NWD1: variants seen among roughly 807,000 people sequenced by gnomAD.
NWD1 encodes NACHT and WD repeat domain containing 1.
NWD1 carries 129 observed loss-of-function variants against 135.1 expected under a neutral mutation model. That is an observed-to-expected ratio of 0.96 (90% CI 0.83 to 1.11). The LOEUF is 1.11. Ranked by LOEUF, NWD1 falls within the 50% of genes least tolerant of loss-of-function variation. NWD1 has a pLI of 0.00. For missense variants in NWD1, 1,740 were observed against 1,851.3 expected (o/e 0.94, Z 1.10); for synonymous variants, 773 against 786.0 (o/e 0.98, Z 0.28).
At chr19:16,788,283 T>TAATAAA (rs1970124719) in intron 12 of NWD1, among the ~76,000 whole-genome samples, 1 of 117,788 alleles carries the variant, frequency 8.5e-6, no homozygotes, top group Non-Finnish European at 1.8e-5. Flanking sequence ...ATAATAATAA[T>TAATAAA]AAAAGGCCAG....
chr19:16,730,350 A>G (rs1417659351), intron 2 of NWD1, among the ~76,000 whole-genome samples: 3 of 151,928 alleles, frequency 2.0e-5, no homozygotes, highest in Admixed American at 6.6e-5. Flanking sequence ...AAACAAAAAA[A>G]AAACCCAAAA....
intron 11 of NWD1, among the ~76,000 whole-genome samples, chr19:16,778,994 G>T (rs984024098): frequency 6.6e-6 from 1 of 152,190 alleles, no homozygotes; most frequent in African/African-American, 2.4e-5. Flanking sequence ...CCAGATGGCA[G>T]TACTGTCCTT....
intron 12 of NWD1, among the ~76,000 whole-genome samples, chr19:16,786,486 C>A (rs1970044744): frequency 6.6e-6 from 1 of 152,064 alleles, no homozygotes; most frequent in Non-Finnish European, 1.5e-5. Context: ...TAGCCCTTGA[C>A]CCTCTTCCTC....
chr19:16,803,522 T>C (rs1970663420), intron 17 of NWD1, among the ~76,000 whole-genome samples: 1 of 152,150 alleles, frequency 6.6e-6, no homozygotes, highest in African/African-American at 2.4e-5. Context: ...CCCAAGCTCC[T>C]GATACCATTC....
At chr19:16,782,994 TTCTC>T (rs768828706) in intron 12 of NWD1, among the ~76,000 whole-genome samples, 1 of 142,544 alleles carries the variant, frequency 7.0e-6, no homozygotes, top group African/African-American at 2.7e-5. Context: ...CCTCCCTCCT[TTCTC>T]TCTCTCTTTC....
intron 15 of NWD1, among the ~76,000 whole-genome samples, chr19:16,796,032 G>A (rs991159104): frequency 2.0e-5 from 3 of 152,172 alleles, no homozygotes; most frequent in African/African-American, 7.2e-5. Flanking sequence ...GGGGAGAGGG[G>A]ATGTGAAGGT....
At position 16,815,290 on chromosome 19, in the gene NWD1, C is replaced by T; in HGVS notation, c.*251C>T. ...CAGAAAGTGCCCAGGGAAATGAAAC[C>T]AAATCAAACAAATGCTCACAAGTGT... On this transcript the variant is annotated 3_prime_UTR_variant, in exon 19 of 19. Coordinates refer to ENST00000524140, the MANE Select transcript of NWD1 (RefSeq NM_001007525.5). 1.3e-6 allele frequency: 1 copy of T among 780,844 alleles called. No homozygotes were observed. The highest frequency in any genetic ancestry group is 2.3e-4 in the Middle Eastern group (1 of 4,442). The allele number at this position is 780,844 out of a possible 1,614,324, so 48.4% of individuals were successfully genotyped here. A position where few individuals can be genotyped will look rare whatever the true frequency, so the allele number is the denominator to read the frequency against.
intron 17 of NWD1, among the ~76,000 whole-genome samples, chr19:16,802,656 T>G (rs1970637706): frequency 1.3e-5 from 2 of 151,970 alleles, no homozygotes; most frequent in South Asian, 4.1e-4. Flanking sequence ...CATAAACCTC[T>G]TATTCATAAT....
At chr19:16,762,173 A>G (rs1365566249) in intron 8 of NWD1, 35 bp downstream of exon 8, 9 of 1,595,146 alleles carry the variant, frequency 5.6e-6, no homozygotes, top group African/African-American at 4.0e-5. Context: ...CCCACCTGCA[A>G]CCTCCACCCT....
chr19:16,771,772 G>C (rs1344803101), intron 10 of NWD1, among the ~76,000 whole-genome samples: 1 of 151,784 alleles, frequency 6.6e-6, no homozygotes, highest in African/African-American at 2.4e-5. Context: ...ATCCAAGCAC[G>C]CTGGCGAATG....
chr19:16,743,531 C>G (rs1459869437), intron 4 of NWD1, among the ~76,000 whole-genome samples: 3 of 151,532 alleles, frequency 2.0e-5, no homozygotes, highest in Non-Finnish European at 2.9e-5. Context: ...TTTATTGACC[C>G]TCGTGACTTC....
At chr19:16,741,364 T>TTG (rs1182458554) in intron 4 of NWD1, among the ~76,000 whole-genome samples, 1 of 139,086 alleles carries the variant, frequency 7.2e-6, no homozygotes, top group Admixed American at 7.3e-5. Flanking sequence ...TGTTTTGTTT[T>TTG]TGTGTTTTTT....
chr19:16,756,025 T>C (rs1417667800), intron 6 of NWD1, among the ~76,000 whole-genome samples: 3 of 152,172 alleles, frequency 2.0e-5, no homozygotes, highest in Non-Finnish European at 4.4e-5. Context: ...GTATTTCATA[T>C]GTTCTATGTA....
chr19:16,744,536 C>A lies in NWD1; in HGVS notation c.314C>A (p.Ala105Glu), dbSNP rs553798426. The change falls in exon 5 of 19, where the codon GCA (alanine) becomes GAA (glutamate). Residue 105 changes from alanine to glutamate, a missense_variant. Physicochemically the swap from Ala to Glu is moderately radical, Grantham distance 107. Coordinates refer to ENST00000524140, the MANE Select transcript of NWD1 (RefSeq NM_001007525.5). ...TARPSDLELVARYFQRDENAF... is the reference protein window; with the variant it reads ...TARPSDLELVERYFQRDENAF... Reference sequence around the variant, plus strand: ...AGGCCAAGTGACCTGGAGCTGGTGGCACGATACTTCCAGAGGGACGAGAAT... The same window carrying A: ...AGGCCAAGTGACCTGGAGCTGGTGGAACGATACTTCCAGAGGGACGAGAAT... The A allele has an allele frequency of 7.2e-6, 11 of 1,535,976 alleles. No individual in the cohort carries two copies. Among genetic ancestry groups the A allele is most frequent in the East Asian group, 2.4e-5 (1 of 40,916 alleles).
Position 16,761,888 on chromosome 19 carries a change from G to A in NWD1, c.1974-91G>A, listed in dbSNP as rs1183232536. 3.8e-6 allele frequency: 4 copies of A among 1,058,676 alleles called. No individual in the cohort carries two copies. The Admixed American group carries it at 8.3e-5, about 22-fold the overall frequency. 65.6% of individuals were successfully genotyped at this position (1,058,676 alleles called of 1,614,324 possible). A position where few individuals can be genotyped will look rare whatever the true frequency, so the allele number is the denominator to read the frequency against. ...TCAACAGAGTGGTTTAGGATGGCTTGGGATTTGGGAACTGCCTCCAGGAAG... is the reference window on the plus strand; with the variant it reads ...TCAACAGAGTGGTTTAGGATGGCTTAGGATTTGGGAACTGCCTCCAGGAAG... On this transcript the variant is annotated intron_variant, in intron 7 of 18. Coordinates refer to ENST00000524140, the MANE Select transcript of NWD1 (RefSeq NM_001007525.5).
chr19:16,787,296 A>T (rs1171106326), intron 12 of NWD1, among the ~76,000 whole-genome samples: 1 of 151,860 alleles, frequency 6.6e-6, no homozygotes, highest in Non-Finnish European at 1.5e-5. Context: ...CTGGCTAATT[A>T]TTTTTTTGCA....
intron 15 of NWD1, among the ~76,000 whole-genome samples, 161 bp downstream of exon 15, chr19:16,794,714 C>T (rs141414428): frequency 1.4e-3 from 213 of 152,328 alleles, no homozygotes; most frequent in African/African-American, 4.8e-3. Context: ...CCAGACGAGA[C>T]AACCTCAGTT....
In NWD1 at chr19:16,775,722, G is replaced by T. The variant is rs563713250; in HGVS notation, c.2608+2399G>T. On this transcript the variant is annotated intron_variant, in intron 11 of 18. Coordinates refer to ENST00000524140, the MANE Select transcript of NWD1 (RefSeq NM_001007525.5). ...TTGTTCTTGTCGCCCAGGCTGGAGT[G>T]CAGTGGCGCAATCTCGGCTCACTGC... 1.3e-4 allele frequency among the ~76,000 whole-genome samples: 20 copies of T among 152,266 alleles called. No individual in the cohort carries two copies. The South Asian group carries it at 4.1e-3, about 32-fold the overall frequency.
chr19:16,746,532 G>A (rs1160072255), intron 5 of NWD1, among the ~76,000 whole-genome samples: 1 of 152,040 alleles, frequency 6.6e-6, no homozygotes, highest in East Asian at 1.9e-4. Flanking sequence ...AATTAGCTGG[G>A]CATGGTGGTG....
Sources: allele counts gnomAD v4.1 joint callset (sites outside exome capture counted in the v4.1 genomes callset), GRCh38; gene constraint gnomAD v4.1.1; transcripts MANE v1.5; gene names NCBI Gene and HGNC (gene_info 2026-07-23, HGNC 2026-07-21).